Variants in FHAD1 observed in about 807,000 individuals in gnomAD.
FHAD1 encodes the protein forkhead associated phosphopeptide binding domain 1.
A neutral mutation model predicts 191.3 loss-of-function variants in FHAD1; 146 were observed. The observed-to-expected ratio is 0.76, with a 90% confidence interval of 0.67 to 0.88. The LOEUF (loss-of-function observed/expected upper bound fraction) is 0.88, where lower values mean the gene tolerates loss of function less well. Ranked by LOEUF, FHAD1 falls within the 40% of genes least tolerant of loss-of-function variation. The pLI is 0.00. For synonymous variants in FHAD1, 616 were observed against 672.3 expected, an observed-to-expected ratio of 0.92 and a Z score of 1.29; for missense variants, 1,635 against 1,785.8, an observed-to-expected ratio of 0.92 and a Z score of 1.52.
intron 33 of FHAD1, among the ~76,000 whole-genome samples, chr1:15,397,020 TAAA>T (rs5772637): frequency 7.8e-5 from 9 of 115,940 alleles, no homozygotes; most frequent in Non-Finnish European, 7.0e-5. Flanking sequence ...CCGTCTCTAC[TAAA>T]AAAAAAAAAA....
At chr1:15,271,145 A>G (rs866638747) in intron 2 of FHAD1, among the ~76,000 whole-genome samples, 3,816 of 143,786 alleles carry the variant, frequency 0.027, 282 homozygotes, top group African/African-American at 0.095. Context: ...TCTCGGAAAA[A>G]AAAAAAAAAA....
intron 3 of FHAD1, among the ~76,000 whole-genome samples, chr1:15,275,417 C>T (rs1249845217): frequency 2.6e-5 from 4 of 152,204 alleles, no homozygotes; most frequent in East Asian, 1.9e-4. Flanking sequence ...GCAGCCCGAG[C>T]GTTTCCAGGG....
At chr1:15,282,719 C>A (rs1039223478) in intron 3 of FHAD1, among the ~76,000 whole-genome samples, 1 of 152,204 alleles carries the variant, frequency 6.6e-6, no homozygotes, top group Admixed American at 6.5e-5. Flanking sequence ...TGGCTACAGA[C>A]ATAAAACACT....
Position 15,329,506 on chromosome 1 carries a change from G to T in FHAD1, c.1871G>T (p.Arg624Leu), listed in dbSNP as rs376892572. 21 of 1,550,686 alleles carry T rather than the reference G, an allele frequency of 1.4e-5. No homozygotes were observed. Among genetic ancestry groups the T allele is most frequent in the Non-Finnish European group, 1.7e-5 (20 of 1,146,816 alleles). ...SWLEEVEQLL[R>L]DLGILPSSPN... is the part of the protein sequence containing the mutation. Reference sequence around the variant, plus strand: ...CTGGAGGAGGTGGAGCAGCTCCTCCGGGACCTCGGGATCCTGCCCTCCAGC... The same window carrying T: ...CTGGAGGAGGTGGAGCAGCTCCTCCTGGACCTCGGGATCCTGCCCTCCAGC... The change falls in exon 14 of 34, where the codon CGG becomes CTG. Residue 624 changes from arginine to leucine, a missense_variant. By Grantham distance (102) the Arg-to-Leu change is moderately radical (BLOSUM62 -2). Coordinates refer to ENST00000688493, the MANE Select transcript of FHAD1 (RefSeq NM_001391957.1). The surrounding 1 kb of genome is among the most constrained non-coding windows in gnomAD (Gnocchi z 5.0).
intron 10 of FHAD1, among the ~76,000 whole-genome samples, chr1:15,321,761 G>A (rs1000546710): frequency 6.6e-6 from 1 of 152,224 alleles, no homozygotes; most frequent in Non-Finnish European, 1.5e-5. Flanking sequence ...GTGCAAGCAC[G>A]TGTGTGCATA....
intron 33 of FHAD1, among the ~76,000 whole-genome samples, 189 bp from the exon 34 acceptor site, chr1:15,397,108 A>G (rs1183063676): frequency 2.7e-5 from 4 of 150,258 alleles, no homozygotes; most frequent in East Asian, 2.0e-4. Context: ...GGAGAATGGC[A>G]TGAACCCAGG....
intron 9 of FHAD1, among the ~76,000 whole-genome samples, chr1:15,317,178 G>A (rs1315812359): frequency 6.6e-6 from 1 of 152,132 alleles, no homozygotes; most frequent in African/African-American, 2.4e-5. Context: ...GCAACAGAGC[G>A]AGACTCTGTC....
intron 5 of FHAD1, 71 bp from the exon 6 acceptor site, chr1:15,301,134 C>T: frequency 2.2e-6 from 3 of 1,394,610 alleles, no homozygotes; most frequent in South Asian, 2.7e-5. Context: ...CCGGCCCCTA[C>T]TTTTTTTTAA....
At chr1:15,249,970 C>T (rs1355175766) in intron 1 of FHAD1, among the ~76,000 whole-genome samples, 5 of 152,164 alleles carry the variant, frequency 3.3e-5, no homozygotes, top group African/African-American at 1.2e-4. Context: ...TAATGACACC[C>T]ACCTTGCAGG....
chr1:15,240,017 G>A (rs556968078), intron 1 of FHAD1, among the ~76,000 whole-genome samples: 9 of 152,192 alleles, frequency 5.9e-5, no homozygotes, highest in South Asian at 2.1e-4. Flanking sequence ...CACCTCTGTG[G>A]TATCCTCTCC....
At chr1:15,255,754 G>A (rs1647747762) in intron 2 of FHAD1, among the ~76,000 whole-genome samples, 1 of 152,254 alleles carries the variant, frequency 6.6e-6, no homozygotes, top group African/African-American at 2.4e-5. Context: ...GGAACAGTGT[G>A]TGCAAAGGCC....
chr1:15,380,651 A>G, intron 28 of FHAD1, 50 bp from the exon 29 acceptor site: 1 of 1,430,492 alleles, frequency 7.0e-7, no homozygotes, highest in Non-Finnish European at 9.6e-7. Context: ...CAGTCATAGA[A>G]AGTCATAATG....
intron 20 of FHAD1, among the ~76,000 whole-genome samples, chr1:15,355,169 A>G (rs903237535): frequency 6.6e-6 from 1 of 151,280 alleles, no homozygotes; most frequent in Non-Finnish European, 1.5e-5. Context: ...AGGTCATGCC[A>G]TTGCACTCCA....
In FHAD1 at chr1:15,327,545, C is replaced by T; in HGVS notation, c.1557+403C>T. ...TGTAATGATTGCCTTGCTGTTCTTCCACTACACTTTCTAGCCCCCTGTGTC... is the reference window on the plus strand; with the variant it reads ...TGTAATGATTGCCTTGCTGTTCTTCTACTACACTTTCTAGCCCCCTGTGTC... On this transcript the variant is annotated intron_variant, in intron 12 of 33. Coordinates refer to ENST00000688493, the MANE Select transcript of FHAD1 (RefSeq NM_001391957.1). The surrounding 1 kb of genome is among the most constrained non-coding windows in gnomAD (Gnocchi z 5.1). 1 of 170,586 alleles carries T rather than the reference C, an allele frequency of 5.9e-6. No homozygotes were observed. The allele number at this position is 170,586 out of a possible 1,614,324, so 10.6% of individuals were successfully genotyped here. A position where few individuals can be genotyped will look rare whatever the true frequency, so the allele number is the denominator to read the frequency against.
chr1:15,396,855 A>G (rs756714506), intron 33 of FHAD1, among the ~76,000 whole-genome samples: 1 of 151,768 alleles, frequency 6.6e-6, no homozygotes, highest in Non-Finnish European at 1.5e-5. Context: ...ATACAATAAA[A>G]TACATGGGAA....
At chr1:15,358,569 T>C (rs1693606658) in intron 21 of FHAD1, among the ~76,000 whole-genome samples, 1 of 152,164 alleles carries the variant, frequency 6.6e-6, no homozygotes, top group Non-Finnish European at 1.5e-5. Context: ...ATGAGAAGCG[T>C]TGGTTTAGAA....
chr1:15,349,094 AG>A lies in FHAD1; in HGVS notation c.2400del (p.Glu800AspfsTer14), dbSNP rs1231476785. 6.4e-7 allele frequency: 1 copy of A among 1,551,726 alleles called. No homozygotes were observed. The highest frequency in any genetic ancestry group is 2.0e-5 in the Admixed American group (1 of 50,998). On this transcript the variant is annotated frameshift_variant, in exon 19 of 34. Coordinates refer to ENST00000688493, the MANE Select transcript of FHAD1 (RefSeq NM_001391957.1). LOFTEE classifies it high-confidence loss of function. Reference sequence around the variant, plus strand: ...AAAAGAAAAGCAAAGGAAGCCTTGGAGTCGGAAAAGAGAAAAGTTCAGGATC... The same window carrying A: ...AAAAGAAAAGCAAAGGAAGCCTTGGATCGGAAAAGAGAAAAGTTCAGGATC... ...HEKRKAKEAL[E>X]SEKRKVQDLE... is the part of the protein sequence containing the mutation.
At chr1:15,386,846 TTTC>T (rs1040299167) in intron 31 of FHAD1, among the ~76,000 whole-genome samples, 1 of 121,524 alleles carries the variant, frequency 8.2e-6, no homozygotes, top group African/African-American at 4.6e-5. Flanking sequence ...TTTTCCTTTC[TTTC>T]TTTTTTTTTT....
Position 15,329,249 on chromosome 1 carries a change from T to C in FHAD1, c.1711-97T>C. ...GCGGCCAATACGTGGCGCTGCCTGC[T>C]TCGTGGCAGAGTCAAGAACGCTGTT... On this transcript the variant is annotated intron_variant, in intron 13 of 33. Coordinates refer to ENST00000688493, the MANE Select transcript of FHAD1 (RefSeq NM_001391957.1). This position sits in a 1 kb window ranked among gnomAD's most constrained non-coding sequence, Gnocchi z 5.0. 2 of 1,040,148 alleles carry C rather than the reference T, an allele frequency of 1.9e-6. No homozygotes were observed. Among genetic ancestry groups the C allele is most frequent in the Non-Finnish European group, 2.7e-6 (2 of 744,420 alleles). The allele number at this position is 1,040,148 out of a possible 1,614,324, so 64.4% of individuals were successfully genotyped here. A position where few individuals can be genotyped will look rare whatever the true frequency, so the allele number is the denominator to read the frequency against.
Sources: gnomAD v4.1 joint callset for allele counts (sites outside exome capture counted in the v4.1 genomes callset) on GRCh38, gnomAD v4.1.1 for gene constraint, Gnocchi (gnomAD v3.1) non-coding constraint, MANE v1.5 for transcripts, NCBI Gene and HGNC (gene_info 2026-07-23, HGNC 2026-07-21) for gene names.